UCP1: variants seen among roughly 807,000 people sequenced by gnomAD.
The protein encoded by UCP1 is mitochondrial brown fat uncoupling protein 1.
In UCP1, 24 loss-of-function variants were observed where a neutral mutation model predicts 26.2. The observed-to-expected ratio is 0.92, with a 90% CI of 0.66 to 1.29. UCP1 has a LOEUF of 1.29. Ranked by LOEUF, UCP1 falls within the 50% of genes most tolerant of loss-of-function variation. The pLI is 0.00. For synonymous variants in UCP1, 164 were observed against 156.8 expected (o/e 1.05, Z -0.34); for missense variants, 402 against 388.7 (o/e 1.03, Z -0.29).
Position 140,568,767 on chromosome 4 carries a change from C to T in UCP1, c.-38G>A, listed in dbSNP as rs1207616355. The T allele has an allele frequency of 1.3e-6, 2 of 1,555,048 alleles. No individual in the cohort carries two copies. Among genetic ancestry groups the T allele is most frequent in the Admixed American group, 3.8e-5 (2 of 52,188 alleles). On this transcript the variant is annotated 5_prime_UTR_variant, in exon 1 of 6. Coordinates refer to ENST00000262999, the MANE Select transcript of UCP1 (RefSeq NM_021833.5). The stretch of plus-strand genomic sequence containing the variant: ...ACTGGAGATGCAGAGGAAAAGGGCT[C>T]CAGCCCCGAAGGTGGAGGAAGTTCC...
At chr4:140,566,171 A>G (rs959526116) in intron 2 of UCP1, among the ~76,000 whole-genome samples, 1 of 152,212 alleles carries the variant, frequency 6.6e-6, no homozygotes, top group South Asian at 2.1e-4. Flanking sequence ...CTGAGAATGT[A>G]TCCCCATCGT....
At position 140,563,363 on chromosome 4, in the gene UCP1, A is replaced by T. The variant is rs2110910277; in HGVS notation, c.481T>A (p.Tyr161Asn). 1 of 1,614,174 alleles carries T rather than the reference A, an allele frequency of 6.2e-7. No homozygotes were observed. The highest frequency in any genetic ancestry group is 2.2e-5 in the East Asian group (1 of 44,878). The change falls in exon 3 of 6, where the codon TAC becomes AAC. Residue 161 changes from tyrosine to asparagine, a missense_variant. By Grantham distance (143) the Tyr-to-Asn change is moderately radical (BLOSUM62 -2). Transcript: ENST00000262999. The part of the protein sequence containing the change: ...KPRYTGTYNA[Y>N]RIIATTEGLT... ...CCTTCGGTTGTTGCTATTATTCTGTACGCATTATAAGTCCCCGTGTAGCGA... is the reference window on the plus strand; with the variant it reads ...CCTTCGGTTGTTGCTATTATTCTGTTCGCATTATAAGTCCCCGTGTAGCGA...
chr4:140,568,273 AAAG>A (rs1735849672), intron 1 of UCP1, among the ~76,000 whole-genome samples: 2 of 152,114 alleles, frequency 1.3e-5, no homozygotes, highest in Admixed American at 6.5e-5. Context: ...CCGAAGAATC[AAAG>A]AAAGGAAAAA....
intron 2 of UCP1, among the ~76,000 whole-genome samples, chr4:140,565,615 C>T (rs1487583769): frequency 6.6e-6 from 1 of 152,164 alleles, no homozygotes; most frequent in Non-Finnish European, 1.5e-5. Context: ...CTTCACCCCT[C>T]CTTCCTCACC....
At chr4:140,567,332 G>A (rs1015165790) in intron 2 of UCP1, among the ~76,000 whole-genome samples, 4 of 152,156 alleles carry the variant, frequency 2.6e-5, no homozygotes, top group African/African-American at 9.7e-5. Context: ...AGAAGGCTTT[G>A]AACTTTGTTG....
chr4:140,562,508 G>T, intron 4 of UCP1, 135 bp from the exon 5 acceptor site: 1 of 937,956 alleles, frequency 1.1e-6, no homozygotes, highest in Non-Finnish European at 1.6e-6. Context: ...AATAAAATAA[G>T]AAAGGTATTG....
chr4:140,566,014 A>T (rs927319829), intron 2 of UCP1, among the ~76,000 whole-genome samples: 3 of 152,184 alleles, frequency 2.0e-5, no homozygotes, highest in Admixed American at 2.0e-4. Context: ...AATTGCCTGT[A>T]GTATTCAATA....
At chr4:140,568,081 A>T in intron 1 of UCP1, 104 bp from the exon 2 acceptor site, 1 of 1,217,528 alleles carries the variant, frequency 8.2e-7, no homozygotes, top group South Asian at 1.2e-5. Flanking sequence ...TCTCAGCAAC[A>T]TTCCTCTTCC....
In UCP1 at chr4:140,562,332, AT is replaced by A. The variant is rs868154159; in HGVS notation, c.669del (p.Cys225AlafsTer11). The A allele has an allele frequency of 6.2e-7, 1 of 1,614,146 alleles. No homozygotes were observed. On this transcript the variant is annotated frameshift_variant, in exon 5 of 6. Transcript: ENST00000262999. LOFTEE classifies it high-confidence loss of function. ...GGGGAGGACATAGCTGTTGCGCAAAATCCAGCGATAAGAGCCGACACCAAGT... is the reference window on the plus strand; with the variant it reads ...GGGGAGGACATAGCTGTTGCGCAAAACCAGCGATAAGAGCCGACACCAAGT... ...PCHLVSALIA[G>X]FCATAMSSPV...
rs769525538 is a variant in UCP1, at chr4:140,567,800, A to T, written c.304T>A (p.Phe102Ile). 29 of 1,613,840 alleles carry T rather than the reference A, an allele frequency of 1.8e-5. No homozygotes were observed. The South Asian group carries it at 3.1e-4, about 17-fold the overall frequency. Residue 102 changes from phenylalanine (F) to isoleucine (I), a missense_variant, in exon 2 of 6, where the codon TTC becomes ATC. Phe to Ile is a conservative substitution (Grantham distance 21, BLOSUM62 0). Coordinates refer to ENST00000262999, the MANE Select transcript of UCP1 (RefSeq NM_021833.5). ...TTACTTTCTTTCCCTGCGGTGAGGAACTCCTGGACCGTGTCGTAGAGGCCG... is the reference window on the plus strand; with the variant it reads ...TTACTTTCTTTCCCTGCGGTGAGGATCTCCTGGACCGTGTCGTAGAGGCCG... ...RIGLYDTVQE[F>I]LTAGKETAPS...
chr4:140,562,165 A>G, intron 5 of UCP1, 28 bp downstream of exon 5: 1 of 1,613,930 alleles, frequency 6.2e-7, no homozygotes, highest in Non-Finnish European at 8.5e-7. Context: ...GCCAGAACAC[A>G]TTACAGATAC....
chr4:140,562,056 T>C, intron 5 of UCP1, 137 bp downstream of exon 5: 3 of 1,021,422 alleles, frequency 2.9e-6, no homozygotes, highest in Non-Finnish European at 4.6e-6. Context: ...TGGAGAAATC[T>C]GTGGCAAGGA....
In UCP1 at chr4:140,567,772, G is replaced by C; in HGVS notation, c.325+7C>G. The stretch of plus-strand genomic sequence containing the variant: ...TTCTGCCCCTCCCAGGAACGCTCAC[G>C]GCTTACTTTCTTTCCCTGCGGTGAG... On this transcript the variant is annotated splice_region_variant and intron_variant, in intron 2 of 5. Transcript: ENST00000262999. 1 of 1,613,818 alleles carries C rather than the reference G, an allele frequency of 6.2e-7. No individual in the cohort carries two copies. The highest frequency in any genetic ancestry group is 2.2e-5 in the East Asian group (1 of 44,870).
At chr4:140,567,436 T>C (rs1158574764) in intron 2 of UCP1, among the ~76,000 whole-genome samples, 1 of 152,192 alleles carries the variant, frequency 6.6e-6, no homozygotes, top group Non-Finnish European at 1.5e-5. Context: ...CTCGTTTGGA[T>C]TTCTGACAAG....
In UCP1 at chr4:140,568,769, A is replaced by G. The variant is rs948741319; in HGVS notation, c.-40T>C. ...TGGAGATGCAGAGGAAAAGGGCTCCAGCCCCGAAGGTGGAGGAAGTTCCTT... is the reference window on the plus strand; with the variant it reads ...TGGAGATGCAGAGGAAAAGGGCTCCGGCCCCGAAGGTGGAGGAAGTTCCTT... On this transcript the variant is annotated 5_prime_UTR_variant, in exon 1 of 6. Coordinates refer to ENST00000262999, the MANE Select transcript of UCP1 (RefSeq NM_021833.5). 7.1e-6 allele frequency: 11 copies of G among 1,553,318 alleles called. No homozygotes were observed. In the African/African-American group the frequency reaches 1.4e-4, roughly 19 times the overall value.
rs1289491979 is a variant in UCP1 at position 140,567,905 on chromosome 4, T to C, written c.199A>G (p.Lys67Glu). 3 of 1,614,170 alleles carry C rather than the reference T, an allele frequency of 1.9e-6. No homozygotes were observed. The highest frequency in any genetic ancestry group is 1.7e-6 in the Non-Finnish European group (2 of 1,180,026). Reference protein sequence around the residue: ...GVLGTITAVVKTEGRMKLYSG... With the variant: ...GVLGTITAVVETEGRMKLYSG... ...TAGAGTTTCATCCGCCCTTCTGTTT[T>C]TACCACAGCGGTGATTGTTCCCAGG... The change falls in exon 2 of 6, where the codon AAA becomes GAA. Residue 67 changes from lysine to glutamate, a missense_variant. Coordinates refer to ENST00000262999, the MANE Select transcript of UCP1 (RefSeq NM_021833.5).
chr4:140,568,312 G>A (rs1317259491), intron 1 of UCP1, among the ~76,000 whole-genome samples: 1 of 152,070 alleles, frequency 6.6e-6, no homozygotes, highest in Non-Finnish European at 1.5e-5. Flanking sequence ...ACTCAGGAGA[G>A]GCCAATATTC....
chr4:140,563,600 C>A, intron 2 of UCP1, 82 bp from the exon 3 acceptor site: 9 of 1,271,198 alleles, frequency 7.1e-6, no homozygotes, highest in African/African-American at 1.6e-5. Flanking sequence ...TTCAGTGGTT[C>A]ATATTTTTGT....
At position 140,563,390 on chromosome 4, in the gene UCP1, G is replaced by T. The variant is rs1376159990; in HGVS notation, c.454C>A (p.Pro152Thr). The T allele has an allele frequency of 6.2e-7, 1 of 1,614,000 alleles. No homozygotes were observed. ...GCATTATAAGTCCCCGTGTAGCGAG[G>T]TTTGATTCCGTGGAGATGGCTCTGT... ...QAQSHLHGIK[P>T]RYTGTYNAYR... The change falls in exon 3 of 6, where the codon CCT (proline) becomes ACT (threonine). Residue 152 changes from proline to threonine, a missense_variant. Pro to Thr is a conservative substitution (Grantham distance 38). Coordinates refer to ENST00000262999, the MANE Select transcript of UCP1 (RefSeq NM_021833.5).
Sources: allele counts gnomAD v4.1 joint callset (sites outside exome capture counted in the v4.1 genomes callset), GRCh38; gene constraint gnomAD v4.1.1; transcripts MANE v1.5; gene names NCBI Gene and HGNC (gene_info 2026-07-23, HGNC 2026-07-21).